Variants in CCDC93 observed in about 807,000 individuals in gnomAD.
CCDC93 encodes the protein CCC complex scaffolding subunit CCDC93.
CCDC93 carries 61 observed loss-of-function variants against 108.2 expected under a neutral mutation model. That is an observed-to-expected ratio of 0.56 (90% CI 0.46 to 0.70). CCDC93 has a LOEUF of 0.70. CCDC93 is among the 30% of genes least tolerant of loss of function. The probability of loss-of-function intolerance (pLI) is 0.00; values close to 1 mark genes in which losing one functional copy is unlikely to be tolerated. For missense variants in CCDC93, 685 were observed against 764.2 expected, an observed-to-expected ratio of 0.90 and a Z score of 1.22; for synonymous variants, 276 against 260.4, an observed-to-expected ratio of 1.06 and a Z score of -0.58.
chr2:117,944,150 T>G, intron 17 of CCDC93, 64 bp from the exon 18 acceptor site: 1 of 1,154,374 alleles, frequency 8.7e-7, no homozygotes, highest in Non-Finnish European at 1.2e-6. Flanking sequence ...AATGGAGTCT[T>G]TGAAAGTTGA....
chr2:117,935,563 C>T lies in CCDC93; in HGVS notation c.1660G>A (p.Ala554Thr), dbSNP rs376037036. 15 of 1,613,764 alleles carry T rather than the reference C, an allele frequency of 9.3e-6. No individual in the cohort carries two copies. The highest frequency in any genetic ancestry group is 1.2e-5 in the Non-Finnish European group (14 of 1,179,734). ...TGACGTAAAAACTGGTCCCGGGCAGCAGGGGAGGCCATGGCCCTGAAAGAA... is the reference window on the plus strand; with the variant it reads ...TGACGTAAAAACTGGTCCCGGGCAGTAGGGGAGGCCATGGCCCTGAAAGAA... ...ENFSQAMASP[A>T]ARDQFLRQME... The change falls in exon 22 of 24, where the codon GCT becomes ACT. Residue 554 changes from alanine to threonine, a missense_variant. Coordinates refer to ENST00000376300, the MANE Select transcript of CCDC93 (RefSeq NM_019044.5).
At chr2:117,929,260 TAAA>T (rs1195512611) in intron 23 of CCDC93, among the ~76,000 whole-genome samples, 2 of 151,870 alleles carry the variant, frequency 1.3e-5, no homozygotes, top group African/African-American at 2.4e-5. Flanking sequence ...TAAAGTATAA[TAAA>T]AAAAAGAAAT....
At chr2:118,006,670 CAA>C in intron 3 of CCDC93, 50 bp downstream of exon 3, 1 of 1,080,146 alleles carries the variant, frequency 9.3e-7, no homozygotes, top group Non-Finnish European at 1.4e-6. Context: ...AGTAGACACT[CAA>C]AAGTTAGTTC....
intron 16 of CCDC93, 91 bp downstream of exon 16, chr2:117,946,720 T>G (rs1298388450): frequency 2.4e-6 from 2 of 840,474 alleles, no homozygotes; most frequent in East Asian, 2.4e-5. Context: ...CAGGATAAGT[T>G]AGCAACAGCG....
At chr2:117,945,724 G>T (rs985428284) in intron 16 of CCDC93, 142 bp from the exon 17 acceptor site, 2 of 666,586 alleles carry the variant, frequency 3.0e-6, no homozygotes, top group South Asian at 1.8e-5. Flanking sequence ...GAGCATGTCT[G>T]AAGAGAGCAG....
chr2:117,927,976 C>G (rs1348306104), intron 23 of CCDC93, among the ~76,000 whole-genome samples: 1 of 152,186 alleles, frequency 6.6e-6, no homozygotes, highest in Non-Finnish European at 1.5e-5. Flanking sequence ...ACCATCTGAT[C>G]TTTGACAAAC....
rs1170004478 is a variant in CCDC93, at chr2:117,935,523, A to G, written c.1700T>C (p.Val567Ala). Residue 567 changes from valine (V) to alanine (A), a missense_variant, in exon 22 of 24, where the codon GTG becomes GCG. Coordinates refer to ENST00000376300, the MANE Select transcript of CCDC93 (RefSeq NM_019044.5). Reference protein sequence around the residue: ...DQFLRQMEQIVEGIKQSRMKM... With the variant: ...DQFLRQMEQIAEGIKQSRMKM... ...CATTCTACTTTGCTTAATTCCTTCC[A>G]CAATCTGTTCCATCTGACGTAAAAA... 1 of 1,613,872 alleles carries G rather than the reference A, an allele frequency of 6.2e-7. No homozygotes were observed. Among genetic ancestry groups the G allele is most frequent in the East Asian group, 2.2e-5 (1 of 44,886 alleles).
chr2:117,932,898 G>C (rs1301298811), intron 22 of CCDC93, among the ~76,000 whole-genome samples: 4 of 152,226 alleles, frequency 2.6e-5, no homozygotes, highest in African/African-American at 9.6e-5. Context: ...TATTAGGACA[G>C]CCAGCAGCTC....
chr2:117,936,236 A>G (rs1239367068), intron 21 of CCDC93, among the ~76,000 whole-genome samples: 2 of 152,124 alleles, frequency 1.3e-5, no homozygotes, highest in African/African-American at 4.8e-5. Flanking sequence ...TGGGTGGGCA[A>G]ATGGACATGC....
intron 10 of CCDC93, 141 bp from the exon 11 acceptor site, chr2:117,974,135 A>G: frequency 3.0e-6 from 2 of 676,924 alleles, no homozygotes; most frequent in East Asian, 2.8e-5. Flanking sequence ...GCTTTGCCAC[A>G]TATTACCAAC....
chr2:117,984,658 G>A (rs1407344706), intron 7 of CCDC93, among the ~76,000 whole-genome samples: 1 of 152,078 alleles, frequency 6.6e-6, no homozygotes, highest in African/African-American at 2.4e-5. Context: ...TGGAAAAATG[G>A]ATGCATAAAT....
chr2:117,988,886 A>G (rs894897267), intron 6 of CCDC93, among the ~76,000 whole-genome samples: 3 of 152,154 alleles, frequency 2.0e-5, no homozygotes, highest in African/African-American at 7.2e-5. Context: ...GTAAGTATAC[A>G]TCTTCTGCTC....
intron 23 of CCDC93, 129 bp from the exon 24 acceptor site, chr2:117,920,525 T>C (rs1036898948): frequency 5.6e-6 from 3 of 535,382 alleles, no homozygotes; most frequent in Non-Finnish European, 6.7e-6. Context: ...TCTCTTGGCA[T>C]GCTGCCGCCA....
chr2:117,943,203 T>C (rs1678760239), intron 18 of CCDC93, among the ~76,000 whole-genome samples: 1 of 152,216 alleles, frequency 6.6e-6, no homozygotes, highest in Non-Finnish European at 1.5e-5. Flanking sequence ...CCTTGAACTT[T>C]GATGTATATA....
At chr2:117,935,395 G>T in intron 22 of CCDC93, 100 bp downstream of exon 22, 1 of 808,904 alleles carries the variant, frequency 1.2e-6, no homozygotes. Context: ...CAGGATTGAG[G>T]GCACACTCCC....
chr2:117,968,282 G>A (rs149449402), intron 11 of CCDC93, among the ~76,000 whole-genome samples: 31 of 152,238 alleles, frequency 2.0e-4, no homozygotes, highest in African/African-American at 2.9e-4. Flanking sequence ...GTTGCAGGGC[G>A]GAAATATATT....
Position 117,931,043 on chromosome 2 carries a change from G to C in CCDC93, c.1836C>G (p.Phe612Leu), listed in dbSNP as rs78720719. 256 of 1,603,050 alleles carry C rather than the reference G, an allele frequency of 1.6e-4. No homozygotes were observed. The East Asian group carries it at 5.7e-3, about 36-fold the overall frequency. The change falls in exon 23 of 24, where the codon TTC becomes TTG. Residue 612 changes from phenylalanine to leucine, a missense_variant. Coordinates refer to ENST00000376300, the MANE Select transcript of CCDC93 (RefSeq NM_019044.5). Reference sequence around the variant, plus strand: ...TACCCAGCCTTCCTCTTACCTCCTTGAACTCTTTCACAGTCTTAAAGTATA... The same window carrying C: ...TACCCAGCCTTCCTCTTACCTCCTTCAACTCTTTCACAGTCTTAAAGTATA... The part of the protein sequence containing the change: ...QRLYFKTVKE[F>L]KEEGRKNEML...
chr2:117,928,938 G>T lies in CCDC93; in HGVS notation c.1842+2099C>A, dbSNP rs1035823267. On this transcript the variant is annotated intron_variant, in intron 23 of 23. Transcript: ENST00000376300. Reference sequence around the variant, plus strand: ...CGGAATACTATGCAGCCATAAAAAAGGATGAGTTCATGTCCTTTGTAGGGA... The same window carrying T: ...CGGAATACTATGCAGCCATAAAAAATGATGAGTTCATGTCCTTTGTAGGGA... Among the ~76,000 whole-genome samples, 565 of 152,254 alleles carry T rather than the reference G, an allele frequency of 3.7e-3. 5 individuals are homozygous for T. Among genetic ancestry groups the T allele is most frequent in the African/African-American group, 0.013 (525 of 41,540 alleles).
At chr2:117,995,733 G>C (rs998272353) in intron 5 of CCDC93, 1 of 455,880 alleles carries the variant, frequency 2.2e-6, no homozygotes, top group Non-Finnish European at 3.9e-6. Context: ...GGGTCATAAG[G>C]AATAGTGCTT....
Sources: allele counts gnomAD v4.1 joint callset (sites outside exome capture counted in the v4.1 genomes callset), GRCh38; gene constraint gnomAD v4.1.1; transcripts MANE v1.5; gene names NCBI Gene and HGNC (gene_info 2026-07-23, HGNC 2026-07-21).